The following ATG16L1 variants were observed in gnomAD, a reference collection of about 807,000 sequenced individuals.
The protein encoded by ATG16L1 is autophagy related 16 like 1, also known as autophagy-related protein 16-1.
Under a neutral mutation model 88.5 loss-of-function variants are expected in ATG16L1, and 37 were observed. The ratio of observed to expected loss-of-function variants is 0.42; its 90% confidence interval spans 0.32 to 0.55. The LOEUF (loss-of-function observed/expected upper bound fraction) is 0.55. ATG16L1 is among the 20% of genes least tolerant of loss of function. The pLI, the probability that ATG16L1 is intolerant of heterozygous loss-of-function variation, is 0.13. For missense variants in ATG16L1, 554 were observed against 752.8 expected, an observed-to-expected ratio of 0.74 and a Z score of 3.09; for synonymous variants, 301 against 281.0, an observed-to-expected ratio of 1.07 and a Z score of -0.71.
chr2:233,289,139 T>C (rs535812139), intron 12 of ATG16L1, among the ~76,000 whole-genome samples: 26 of 152,300 alleles, frequency 1.7e-4, no homozygotes, highest in African/African-American at 6.3e-4. Flanking sequence ...ACAAAAACAG[T>C]ACAGCAGGTA....
intron 3 of ATG16L1, among the ~76,000 whole-genome samples, chr2:233,263,727 CA>C (rs903456994): frequency 3.5e-4 from 54 of 152,258 alleles, no homozygotes; most frequent in African/African-American, 1.3e-3. Flanking sequence ...AATGAGTCTC[CA>C]AAAAGGTAGC....
chr2:233,270,146 TG>T (rs1697893067), intron 6 of ATG16L1, 79 bp downstream of exon 6: 2 of 1,405,392 alleles, frequency 1.4e-6, no homozygotes, highest in Non-Finnish European at 1.9e-6. Context: ...TTTTTTTTTT[TG>T]TTTGGTTTTT....
chr2:233,293,459 C>A, intron 17 of ATG16L1, 102 bp downstream of exon 17: 3 of 1,062,800 alleles, frequency 2.8e-6, no homozygotes, highest in Non-Finnish European at 4.3e-6. Context: ...GCTGTGAGGG[C>A]ACTGTCCGCC....
At chr2:233,272,690 C>G (rs1698076167) in intron 6 of ATG16L1, among the ~76,000 whole-genome samples, 1 of 152,206 alleles carries the variant, frequency 6.6e-6, no homozygotes, top group African/African-American at 2.4e-5. Flanking sequence ...TTTATTGCTT[C>G]AAGTGGGAAC....
intron 9 of ATG16L1, 120 bp from the exon 10 acceptor site, chr2:233,277,448 T>A (rs1698447277): frequency 1.2e-6 from 1 of 826,606 alleles, no homozygotes; most frequent in South Asian, 1.5e-5. Context: ...AGTTTATGAT[T>A]GGCTCCACCT....
chr2:233,287,744 G>A (rs559756736), intron 12 of ATG16L1, among the ~76,000 whole-genome samples: 2 of 152,300 alleles, frequency 1.3e-5, no homozygotes, highest in South Asian at 4.1e-4. Flanking sequence ...TGGATGTGGT[G>A]GCACACGCCT....
chr2:233,286,687 G>A (rs1032020573), intron 12 of ATG16L1, among the ~76,000 whole-genome samples: 24 of 148,206 alleles, frequency 1.6e-4, no homozygotes, highest in Admixed American at 8.9e-4. Flanking sequence ...GTGCAGTGGC[G>A]TGATCTCTGC....
intron 12 of ATG16L1, among the ~76,000 whole-genome samples, chr2:233,289,376 G>GGGGTGTGTGTGTGTGT (rs757994844): frequency 3.6e-5 from 2 of 55,226 alleles, no homozygotes; most frequent in Non-Finnish European, 9.2e-5. Flanking sequence ...TCCTGTTTGG[G>GGGGTGTGTGTGTGTGT]ATGTGTGTGT....
At chr2:233,255,838 G>A (rs765329010) in intron 1 of ATG16L1, among the ~76,000 whole-genome samples, 1 of 152,150 alleles carries the variant, frequency 6.6e-6, no homozygotes, top group Non-Finnish European at 1.5e-5. Context: ...CTTACTTAAA[G>A]GTACATAGCA....
At chr2:233,275,625 G>A (rs1272652113) in intron 9 of ATG16L1, 1 of 460,626 alleles carries the variant, frequency 2.2e-6, no homozygotes, top group African/African-American at 2.0e-5. Flanking sequence ...CTGTTGTAAA[G>A]AGAGTTCCGC....
At chr2:233,289,455 A>G (rs1699314135) in intron 12 of ATG16L1, among the ~76,000 whole-genome samples, 1 of 148,844 alleles carries the variant, frequency 6.7e-6, no homozygotes, top group African/African-American at 2.5e-5. Context: ...GCACTATCAT[A>G]GTTCACTGCA....
chr2:233,268,378 GA>G (rs1414381951), intron 5 of ATG16L1, among the ~76,000 whole-genome samples: 1 of 152,222 alleles, frequency 6.6e-6, no homozygotes, highest in Non-Finnish European at 1.5e-5. Flanking sequence ...AGAATCGCTT[GA>G]ACACAGGAAG....
chr2:233,291,473 G>A (rs530232092), intron 14 of ATG16L1, among the ~76,000 whole-genome samples: 4 of 152,274 alleles, frequency 2.6e-5, no homozygotes, highest in South Asian at 2.1e-4. Flanking sequence ...TAGTTAAGGT[G>A]GGAGGTAGGA....
rs373586724 is a variant in ATG16L1, at chr2:233,256,143, G to T, written c.157G>T (p.Ala53Ser). The T allele has an allele frequency of 3.0e-5, 49 of 1,613,842 alleles. No homozygotes were observed. Among genetic ancestry groups the T allele is most frequent in the Non-Finnish European group, 4.1e-5 (48 of 1,180,002 alleles). Residue 53 changes from alanine to serine, a missense_variant, in exon 2 of 18, where the codon GCC (alanine) becomes TCC (serine). Physicochemically the swap from Ala to Ser is moderately conservative, Grantham distance 99. Transcript: ENST00000392017. Reference protein sequence around the residue: ...LEKSDLHSVLAQKLQAEKHDV... With the variant: ...LEKSDLHSVLSQKLQAEKHDV... The stretch of plus-strand genomic sequence containing the variant: ...AAAGTCAGATCTTCATTCAGTGTTG[G>T]CCCAGAAACTACAGGCTGAAAAGCA...
rs192641628 is a variant in ATG16L1 at position 233,285,436 on chromosome 2, A to G, written c.1203+2683A>G. Among the ~76,000 whole-genome samples, 3 of 152,374 alleles carry G rather than the reference A, an allele frequency of 2.0e-5. No homozygotes were observed. In the East Asian group the frequency reaches 5.8e-4, roughly 29 times the overall value. Reference sequence around the variant, plus strand: ...GGAGCTAGACTGACAGATGAAGGTCATAACATTGAGCTGGCACACAGGTCT... The same window carrying G: ...GGAGCTAGACTGACAGATGAAGGTCGTAACATTGAGCTGGCACACAGGTCT... On this transcript the variant is annotated intron_variant, in intron 12 of 17. Transcript: ENST00000392017.
In ATG16L1 at chr2:233,251,802, G is replaced by A; in HGVS notation, c.-26G>A. ...GTCAGCCCTCGCTCGCATTGGTGGC[G>A]CTGAGGTGCCGGGGCAGCAAGTGAC... is the stretch of plus-strand genomic sequence containing the variant. On this transcript the variant is annotated 5_prime_UTR_variant, in exon 1 of 18. Transcript: ENST00000392017. The A allele has an allele frequency of 2.6e-6, 4 of 1,544,696 alleles. No individual in the cohort carries two copies. The highest frequency in any genetic ancestry group is 3.5e-6 in the Non-Finnish European group (4 of 1,142,752).
intron 5 of ATG16L1, among the ~76,000 whole-genome samples, chr2:233,267,835 C>T (rs902229838): frequency 3.3e-5 from 5 of 152,206 alleles, no homozygotes; most frequent in African/African-American, 4.8e-5. Context: ...TGCACATTTC[C>T]TAGTGAAAAT....
chr2:233,292,052 C>CTTT, intron 14 of ATG16L1, 76 bp from the exon 15 acceptor site: 1 of 1,544,434 alleles, frequency 6.5e-7, no homozygotes, highest in South Asian at 1.2e-5. Context: ...ATTGCAGTGC[C>CTTT]TTTTTTTTCC....
At position 233,294,351 on chromosome 2, in the gene ATG16L1, C is replaced by T. The variant is rs562822035; in HGVS notation, c.*1C>T. The T allele has an allele frequency of 3.8e-5, 62 of 1,613,168 alleles. No individual in the cohort carries two copies. The East Asian group carries it at 5.8e-4, about 15-fold the overall frequency. The stretch of plus-strand genomic sequence containing the variant: ...AGCTGTGCTGTGGGCACAGTACTGA[C>T]GGGGCTCTCAGGGCTGGGAGGACCC... On this transcript the variant is annotated 3_prime_UTR_variant, in exon 18 of 18. Coordinates refer to ENST00000392017, the MANE Select transcript of ATG16L1 (RefSeq NM_030803.7).
Sources: gnomAD v4.1 joint callset for allele counts (sites outside exome capture counted in the v4.1 genomes callset) on GRCh38, gnomAD v4.1.1 for gene constraint, MANE v1.5 for transcripts, NCBI Gene and HGNC (gene_info 2026-07-23, HGNC 2026-07-21) for gene names.